The following EFCAB11 variants were observed in gnomAD, a reference collection of about 807,000 sequenced individuals.
The protein encoded by EFCAB11 is EF-hand calcium-binding domain-containing protein 11.
A neutral mutation model predicts 23.0 loss-of-function variants in EFCAB11; 14 were observed. The observed-to-expected ratio is 0.61, with a 90% CI of 0.40 to 0.95. The LOEUF is 0.95. EFCAB11 is among the 40% of genes least tolerant of loss of function. The probability of loss-of-function intolerance (pLI) is 0.00; values close to 1 mark genes in which losing one functional copy is unlikely to be tolerated. For synonymous variants in EFCAB11, 65 were observed against 66.6 expected (o/e 0.98, Z 0.11); for missense variants, 198 against 195.8 (o/e 1.01, Z -0.07).
At chr14:89,865,092 G>A (rs928679474) in intron 5 of EFCAB11, among the ~76,000 whole-genome samples, 3 of 152,160 alleles carry the variant, frequency 2.0e-5, no homozygotes, top group Non-Finnish European at 2.9e-5. Flanking sequence ...GCCGGGAGCC[G>A]CTGCAGTCAG....
At chr14:89,807,965 T>C (rs1886024462) in intron 5 of EFCAB11, among the ~76,000 whole-genome samples, 1 of 152,042 alleles carries the variant, frequency 6.6e-6, no homozygotes, top group African/African-American at 2.4e-5. Flanking sequence ...TCTGCAAAAA[T>C]CAAATGAGGC....
Position 89,886,766 on chromosome 14 carries a change from C to T in EFCAB11, c.410+44775G>A, listed in dbSNP as rs145047548. ...AGATCAAAGTATGTATTTAGTATCTCGATATTTGGAAAGACTCCTGATTTA... is the reference window on the plus strand; with the variant it reads ...AGATCAAAGTATGTATTTAGTATCTTGATATTTGGAAAGACTCCTGATTTA... On this transcript the variant is annotated intron_variant, in intron 5 of 5. Transcript: ENST00000316738. 4.6e-3 allele frequency among the ~76,000 whole-genome samples: 702 copies of T among 152,096 alleles called. 5 individuals carry two copies. Among genetic ancestry groups the T allele is most frequent in the Middle Eastern group, 0.014 (4 of 294 alleles).
intron 5 of EFCAB11, among the ~76,000 whole-genome samples, chr14:89,837,661 GA>G (rs1205339871): frequency 3.3e-5 from 5 of 152,122 alleles, no homozygotes; most frequent in Non-Finnish European, 7.4e-5. Context: ...AAACAAGAAA[GA>G]AAAGTCTCTG....
At chr14:89,848,903 G>A (rs576343950) in intron 5 of EFCAB11, 1 of 152,252 alleles carries the variant, frequency 6.6e-6, no homozygotes, top group South Asian at 2.1e-4. Context: ...CTCCAGCCTG[G>A]GTGACACAGC....
chr14:89,902,784 A>G (rs1889381801), intron 5 of EFCAB11, among the ~76,000 whole-genome samples: 1 of 152,192 alleles, frequency 6.6e-6, no homozygotes, highest in Non-Finnish European at 1.5e-5. Context: ...TTCAAGACTA[A>G]AAATAAATCC....
At chr14:89,847,768 GAAAGAAAGAAAA>G (rs1887481272) in intron 5 of EFCAB11, among the ~76,000 whole-genome samples, 2 of 140,596 alleles carry the variant, frequency 1.4e-5, no homozygotes, top group Non-Finnish European at 3.1e-5. Flanking sequence ...AAGAAAGAAA[GAAAGAAAGAAAA>G]AAAAGAATGC....
intron 3 of EFCAB11, among the ~76,000 whole-genome samples, chr14:89,947,696 C>A (rs1891029614): frequency 6.6e-6 from 1 of 152,134 alleles, no homozygotes; most frequent in African/African-American, 2.4e-5. Context: ...TCTTGATTTT[C>A]CTCTTGCCCC....
At chr14:89,808,549 C>T (rs745699435) in intron 5 of EFCAB11, among the ~76,000 whole-genome samples, 28 of 152,072 alleles carry the variant, frequency 1.8e-4, no homozygotes, top group Non-Finnish European at 3.7e-4. Flanking sequence ...CTCATTGATG[C>T]GATGTGCATC....
chr14:89,837,078 C>A, intron 5 of EFCAB11: 1 of 456,858 alleles, frequency 2.2e-6, no homozygotes, highest in South Asian at 1.5e-5. Context: ...GCTAAGAGGC[C>A]AGAGGAGGGG....
chr14:89,846,398 A>G (rs1480244818), intron 5 of EFCAB11, among the ~76,000 whole-genome samples: 1 of 152,198 alleles, frequency 6.6e-6, no homozygotes, highest in African/African-American at 2.4e-5. Context: ...CTCTTTAGAC[A>G]TTACATTTGG....
intron 5 of EFCAB11, among the ~76,000 whole-genome samples, chr14:89,862,781 T>C (rs1887965851): frequency 6.6e-6 from 1 of 152,216 alleles, no homozygotes; most frequent in Admixed American, 6.5e-5. Flanking sequence ...ATAACTGATG[T>C]CTGAGAGCAC....
At chr14:89,816,892 TCAA>T (rs951274589) in intron 5 of EFCAB11, among the ~76,000 whole-genome samples, 1 of 152,258 alleles carries the variant, frequency 6.6e-6, no homozygotes, top group Middle Eastern at 3.4e-3. Flanking sequence ...ACATTGCTTT[TCAA>T]CAACAACTAT....
chr14:89,835,637 TGTGTG>T (rs1887053048), intron 5 of EFCAB11, among the ~76,000 whole-genome samples: 2 of 148,248 alleles, frequency 1.3e-5, no homozygotes, highest in Non-Finnish European at 3.0e-5. Flanking sequence ...TGTGTGTGTG[TGTGTG>T]TTTGAGACGT....
intron 5 of EFCAB11, among the ~76,000 whole-genome samples, chr14:89,841,990 T>C (rs138120851): frequency 2.0e-5 from 3 of 151,978 alleles, no homozygotes; most frequent in Admixed American, 6.6e-5. Context: ...TCCTCCTCCT[T>C]CTCTCTAAAC....
intron 5 of EFCAB11, among the ~76,000 whole-genome samples, chr14:89,810,755 C>A (rs80131661): frequency 6.8e-3 from 777 of 113,892 alleles, no homozygotes; most frequent in Non-Finnish European, 7.2e-3. Context: ...GACTCCGTCT[C>A]AAAAAAAAAA....
chr14:89,906,171 TAAAATAAA>T (rs1889491093), intron 5 of EFCAB11, among the ~76,000 whole-genome samples: 1 of 130,454 alleles, frequency 7.7e-6, no homozygotes, highest in Non-Finnish European at 1.6e-5. Context: ...ATTAGAGCAC[TAAAATAAA>T]TAAATAAATA....
At chr14:89,925,648 C>CTTT (rs397758240) in intron 5 of EFCAB11, among the ~76,000 whole-genome samples, 1 of 134,710 alleles carries the variant, frequency 7.4e-6, no homozygotes, top group African/African-American at 2.8e-5. Context: ...ATGTTTCTTT[C>CTTT]TTTTTTTTTT....
chr14:89,864,064 T>G (rs775221530), intron 5 of EFCAB11, among the ~76,000 whole-genome samples: 5 of 152,228 alleles, frequency 3.3e-5, no homozygotes, highest in Non-Finnish European at 5.9e-5. Context: ...CTACTTAATT[T>G]TTAAATAACT....
intron 1 of EFCAB11, 49 bp downstream of exon 1, chr14:89,954,537 G>A (rs764451625): frequency 1.9e-6 from 3 of 1,605,456 alleles, no homozygotes; most frequent in Admixed American, 3.4e-5. Context: ...GAAGCGAGAG[G>A]CCCAGGCCAA....
Sources: gnomAD v4.1 joint callset for allele counts (sites outside exome capture counted in the v4.1 genomes callset) on GRCh38, gnomAD v4.1.1 for gene constraint, MANE v1.5 for transcripts, NCBI Gene and HGNC (gene_info 2026-07-23, HGNC 2026-07-21) for gene names.